KAZN: variants seen among roughly 807,000 people sequenced by gnomAD.
KAZN encodes kazrin.
Under a neutral mutation model 87.4 loss-of-function variants are expected in KAZN, and 40 were observed. The ratio of observed to expected loss-of-function variants is 0.46; its 90% CI spans 0.36 to 0.60. KAZN has a LOEUF of 0.60. KAZN is among the 20% of genes least tolerant of loss of function. The pLI, the probability that KAZN is intolerant of heterozygous loss-of-function variation, is 0.00. For synonymous variants in KAZN, 466 were observed against 458.3 expected, an observed-to-expected ratio of 1.02 and a Z score of -0.22; for missense variants, 898 against 1,073.9, an observed-to-expected ratio of 0.84 and a Z score of 2.29.
At chr1:14,481,074 C>T (rs534952194) in intron 2 of KAZN, among the ~76,000 whole-genome samples, 1 of 151,894 alleles carries the variant, frequency 6.6e-6, no homozygotes, top group Admixed American at 6.6e-5. Context: ...TAGCTTTGCT[C>T]TGTTTTTTCT....
intron 1 of KAZN, among the ~76,000 whole-genome samples, chr1:13,980,155 C>T (rs187210823): frequency 6.6e-6 from 1 of 151,992 alleles, no homozygotes; most frequent in Non-Finnish European, 1.5e-5. Flanking sequence ...ATAATATACA[C>T]ATGAGAATCT....
At chr1:14,877,155 C>T (rs965312681) in intron 1 of KAZN, among the ~76,000 whole-genome samples, 7 of 152,182 alleles carry the variant, frequency 4.6e-5, no homozygotes, top group African/African-American at 1.7e-4. Flanking sequence ...CGCACTCTCT[C>T]GGACTCTCTT....
At chr1:14,379,629 G>C (rs1661204593) in intron 2 of KAZN, among the ~76,000 whole-genome samples, 1 of 152,188 alleles carries the variant, frequency 6.6e-6, no homozygotes, top group African/African-American at 2.4e-5. Context: ...GCCTGTGGGG[G>C]TGGTGGCCAT....
rs371544111 is a variant in KAZN at position 15,073,756 on chromosome 1, C to A, written c.1222+8003C>A. Reference sequence around the variant, plus strand: ...AGTTCTGAGCCTGAGGTCCATCCGACTCCTCCTGACCTGTGTCTGACTGAG... The same window carrying A: ...AGTTCTGAGCCTGAGGTCCATCCGAATCCTCCTGACCTGTGTCTGACTGAG... On this transcript the variant is annotated intron_variant, in intron 8 of 14. Coordinates refer to ENST00000376030, the MANE Select transcript of KAZN (RefSeq NM_201628.3). Among the ~76,000 whole-genome samples, 29 of 152,356 alleles carry A rather than the reference C, an allele frequency of 1.9e-4. No individual in the cohort carries two copies. In the South Asian group the frequency reaches 2.7e-3, roughly 14 times the overall value.
At chr1:14,321,848 GA>G (rs1656071898) in intron 2 of KAZN, among the ~76,000 whole-genome samples, 1 of 152,146 alleles carries the variant, frequency 6.6e-6, no homozygotes, top group Admixed American at 6.6e-5. Flanking sequence ...AGAAGGTACA[GA>G]AGACTTAGAA....
intron 2 of KAZN, among the ~76,000 whole-genome samples, chr1:14,418,595 C>G (rs1665038515): frequency 6.6e-6 from 1 of 152,178 alleles, no homozygotes; most frequent in Non-Finnish European, 1.5e-5. Flanking sequence ...GAGTTTGCCT[C>G]TAGATAGCAA....
At chr1:14,563,874 C>CT (rs540880203) in intron 2 of KAZN, among the ~76,000 whole-genome samples, 1,206 of 97,910 alleles carry the variant, frequency 0.012, 83 homozygotes, top group African/African-American at 0.037. Flanking sequence ...GTTCAAACTC[C>CT]TTTTTTTTTT....
rs142134985 is a variant in KAZN, at chr1:14,936,029, C to T, written c.227-24655C>T. On this transcript the variant is annotated intron_variant, in intron 1 of 14. Coordinates refer to ENST00000376030, the MANE Select transcript of KAZN (RefSeq NM_201628.3). ...CCCCCTGCCCTTGGGGACGCCTGGA[C>T]GACATCCGCCCATCCCACAGCTGTG... Among the ~76,000 whole-genome samples, 292 of 152,350 alleles carry T rather than the reference C, an allele frequency of 1.9e-3. 2 individuals carry two copies. Among genetic ancestry groups the T allele is most frequent in the African/African-American group, 6.4e-3 (268 of 41,584 alleles).
At chr1:14,533,718 G>C (rs1468570935) in intron 2 of KAZN, among the ~76,000 whole-genome samples, 1 of 152,056 alleles carries the variant, frequency 6.6e-6, no homozygotes, top group Non-Finnish European at 1.5e-5. Context: ...ATTTTGCTCA[G>C]GTGTCACGTG....
chr1:14,699,750 TCAAA>T (rs2148801643), intron 1 of KAZN, among the ~76,000 whole-genome samples: 2 of 152,310 alleles, frequency 1.3e-5, no homozygotes, highest in South Asian at 4.1e-4. Context: ...AGCCATCTCT[TCAAA>T]CAAACAAAAG....
chr1:14,706,678 G>C (rs1354551501), intron 1 of KAZN, among the ~76,000 whole-genome samples: 2 of 152,178 alleles, frequency 1.3e-5, no homozygotes, highest in Non-Finnish European at 2.9e-5. Context: ...TACAGTTGGA[G>C]GTACTGAGGG....
At chr1:14,350,111 G>A (rs563682325) in intron 2 of KAZN, among the ~76,000 whole-genome samples, 11 of 136,656 alleles carry the variant, frequency 8.0e-5, no homozygotes, top group South Asian at 4.7e-4. Context: ...TCCAGCCTGG[G>A]CAACAGAGCA....
At chr1:14,444,645 T>C (rs971499935) in intron 2 of KAZN, among the ~76,000 whole-genome samples, 1 of 152,138 alleles carries the variant, frequency 6.6e-6, no homozygotes, top group African/African-American at 2.4e-5. Context: ...GGTGCTCGCT[T>C]CAATTCACCC....
rs1572238294 is a variant in KAZN, at chr1:14,692,336, T to C, written c.226+93113T>C. 3 of 417,988 alleles carry C rather than the reference T, an allele frequency of 7.2e-6. No homozygotes were observed. The East Asian group carries it at 1.1e-4, about 16-fold the overall frequency. 25.9% of individuals were successfully genotyped at this position (417,988 alleles called of 1,614,324 possible). ...AATTTTCACCATCTTCGGCTCTCATTTTTTCGATCTTTTCTTCTTGTTATT... is the reference window on the plus strand; with the variant it reads ...AATTTTCACCATCTTCGGCTCTCATCTTTTCGATCTTTTCTTCTTGTTATT... On this transcript the variant is annotated intron_variant, in intron 1 of 14. Transcript: ENST00000376030.
At chr1:14,497,368 T>C (rs1670006719) in intron 2 of KAZN, among the ~76,000 whole-genome samples, 1 of 151,136 alleles carries the variant, frequency 6.6e-6, no homozygotes, top group Non-Finnish European at 1.5e-5. Context: ...AAAAAAGATC[T>C]TTTTTGTTTA....
intron 1 of KAZN, among the ~76,000 whole-genome samples, chr1:14,944,577 G>A (rs1661521101): frequency 6.6e-6 from 1 of 152,246 alleles, no homozygotes; most frequent in African/African-American, 2.4e-5. Flanking sequence ...CCTGGTGTCT[G>A]TGCATGGGAG....
Position 15,094,860 on chromosome 1 carries a change from G to C in KAZN, c.1474G>C (p.Val492Leu), listed in dbSNP as rs1181868321. The C allele has an allele frequency of 1.1e-5, 17 of 1,550,608 alleles. No individual in the cohort carries two copies. The highest frequency in any genetic ancestry group is 3.4e-4 in the Middle Eastern group (2 of 5,958). ...SDEDLQLGLG[V>L]CSSLHRRKLR... is the part of the protein sequence containing the mutation. The stretch of plus-strand genomic sequence containing the variant: ...CGAGGACCTGCAGCTGGGCCTTGGG[G>C]TGTGCAGCTCCCTGCACCGGCGCAA... The change falls in exon 10 of 15, where the codon GTG (valine) becomes CTG (leucine). Residue 492 changes from valine to leucine, a missense_variant. Transcript: ENST00000376030. This position sits in a 1 kb window ranked among gnomAD's most constrained non-coding sequence, Gnocchi z 4.5.
At position 14,110,972 on chromosome 1, in the gene KAZN, A is replaced by G. The variant is rs1644488504; in HGVS notation, c.92-69463A>G. Among the ~76,000 whole-genome samples, 4 of 134,792 alleles carry G rather than the reference A, an allele frequency of 3.0e-5. 1 individual carries two copies. The highest frequency in any genetic ancestry group is 1.6e-5 in the Non-Finnish European group (1 of 63,010). The allele number at this position is 134,792 out of a possible 152,430, so 88.4% of individuals were successfully genotyped here. A position where few individuals can be genotyped will look rare whatever the true frequency, so the allele number is the denominator to read the frequency against. On this transcript the variant is annotated intron_variant, in intron 1 of 16. Coordinates refer to the KAZN transcript ENST00000636203. ...TTAAATTGCATACACAATTTGCATT[A>G]TATTTCTGCTGGACAGCATTGCTCT...
chr1:14,326,581 CAAAAT>C (rs759076031), intron 2 of KAZN, among the ~76,000 whole-genome samples: 17 of 152,124 alleles, frequency 1.1e-4, no homozygotes, highest in Admixed American at 5.9e-4. Context: ...CCATCCTACT[CAAAAT>C]AAAATTCCAA....
Sources: allele counts gnomAD v4.1 joint callset (sites outside exome capture counted in the v4.1 genomes callset), GRCh38; gene constraint gnomAD v4.1.1; non-coding constraint Gnocchi (gnomAD v3.1); transcripts MANE v1.5; gene names NCBI Gene and HGNC (gene_info 2026-07-23, HGNC 2026-07-21).